JAKMIP2: variants seen among roughly 807,000 people sequenced by gnomAD.
The protein encoded by JAKMIP2 is janus kinase and microtubule interacting protein 2.
In JAKMIP2, 25 loss-of-function variants were observed where a neutral mutation model predicts 115.0. The ratio of observed to expected loss-of-function variants is 0.22; its 90% CI spans 0.16 to 0.30. The LOEUF (loss-of-function observed/expected upper bound fraction) is 0.30. JAKMIP2 is among the 10% of genes least tolerant of loss of function. JAKMIP2 has a pLI of 1.00. For synonymous variants in JAKMIP2, 334 were observed against 343.6 expected (o/e 0.97, Z 0.31); for missense variants, 642 against 957.6 (o/e 0.67, Z 4.35).
At chr5:147,631,021 T>C (rs1041154201) in intron 14 of JAKMIP2, among the ~76,000 whole-genome samples, 1 of 152,190 alleles carries the variant, frequency 6.6e-6, no homozygotes, top group Non-Finnish European at 1.5e-5. Flanking sequence ...TCCATAATTA[T>C]GAATTCCATA....
intron 1 of JAKMIP2, among the ~76,000 whole-genome samples, chr5:147,698,265 C>G (rs1471402124): frequency 6.6e-6 from 1 of 152,194 alleles, no homozygotes; most frequent in Non-Finnish European, 1.5e-5. Flanking sequence ...TACCCAATGC[C>G]TGCACCCCAT....
At chr5:147,768,243 T>C (rs1278841061) in intron 1 of JAKMIP2, among the ~76,000 whole-genome samples, 2 of 152,154 alleles carry the variant, frequency 1.3e-5, no homozygotes, top group Non-Finnish European at 2.9e-5. Context: ...CTCAGCAAAA[T>C]TTTAGTGCCT....
At chr5:147,700,462 T>C (rs1580801912) in intron 1 of JAKMIP2, among the ~76,000 whole-genome samples, 1 of 152,076 alleles carries the variant, frequency 6.6e-6, no homozygotes, top group Admixed American at 6.6e-5. Context: ...ACGGTTAAGA[T>C]AAATGGAAAT....
chr5:147,697,973 C>T (rs1386460592), intron 1 of JAKMIP2, among the ~76,000 whole-genome samples: 3 of 152,202 alleles, frequency 2.0e-5, no homozygotes, highest in African/African-American at 7.2e-5. Context: ...ATGGTAGAGC[C>T]ACCAACAGCT....
Position 147,671,868 on chromosome 5 carries a change from A to G in JAKMIP2, c.-62T>C. On this transcript the variant is annotated 5_prime_UTR_variant, in exon 2 of 22. Coordinates refer to ENST00000616793, the MANE Select transcript of JAKMIP2 (RefSeq NM_001270941.2). ...TCTTTCAAGCAGGTGCTGCCATGTT[A>G]CTGTTTCTTATCCTGGAGTACGATG... The G allele has an allele frequency of 7.6e-6, 11 of 1,450,484 alleles. No individual in the cohort carries two copies. Among genetic ancestry groups the G allele is most frequent in the Non-Finnish European group, 1.0e-5 (11 of 1,090,046 alleles). 89.9% of individuals were successfully genotyped at this position (1,450,484 alleles called of 1,614,324 possible).
At chr5:147,700,650 TA>T (rs1278163023) in intron 1 of JAKMIP2, among the ~76,000 whole-genome samples, 1 of 152,142 alleles carries the variant, frequency 6.6e-6, no homozygotes, top group African/African-American at 2.4e-5. Flanking sequence ...TTGTCACTAC[TA>T]AAAGCTTTGA....
chr5:147,692,446 A>G (rs1247759886), intron 1 of JAKMIP2, among the ~76,000 whole-genome samples: 1 of 152,124 alleles, frequency 6.6e-6, no homozygotes, highest in Non-Finnish European at 1.5e-5. Context: ...ATAAATACAG[A>G]TCTTCCTGAG....
At chr5:147,723,071 T>G (rs1753381518) in intron 1 of JAKMIP2, among the ~76,000 whole-genome samples, 1 of 152,150 alleles carries the variant, frequency 6.6e-6, no homozygotes, top group Non-Finnish European at 1.5e-5. Context: ...AAGGAAATAG[T>G]GGAAAATTTA....
At chr5:147,702,898 G>C (rs1332663856) in intron 1 of JAKMIP2, among the ~76,000 whole-genome samples, 1 of 152,028 alleles carries the variant, frequency 6.6e-6, no homozygotes, top group Admixed American at 6.6e-5. Context: ...AAATATACTT[G>C]GGAAACTCTG....
intron 1 of JAKMIP2, among the ~76,000 whole-genome samples, chr5:147,683,950 G>A (rs1760442403): frequency 6.6e-6 from 1 of 152,122 alleles, no homozygotes; most frequent in South Asian, 2.1e-4. Context: ...CTGGCTATTA[G>A]TATTTTCCCT....
At chr5:147,600,092 T>C (rs200675141) in intron 21 of JAKMIP2, among the ~76,000 whole-genome samples, 14 of 101,878 alleles carry the variant, frequency 1.4e-4, no homozygotes, top group African/African-American at 5.0e-4. Context: ...TTACTGTTTT[T>C]TTTTTTTTTT....
At chr5:147,713,093 C>T (rs772535143) in intron 1 of JAKMIP2, among the ~76,000 whole-genome samples, 1 of 152,116 alleles carries the variant, frequency 6.6e-6, no homozygotes, top group African/African-American at 2.4e-5. Context: ...GTGTAAAATT[C>T]ATTAGATACA....
intron 13 of JAKMIP2, 44 bp from the exon 14 acceptor site, chr5:147,631,555 GATTA>G: frequency 7.9e-7 from 1 of 1,268,560 alleles, no homozygotes; most frequent in Non-Finnish European, 1.1e-6. Flanking sequence ...AAACAAAACT[GATTA>G]ATTAAACACT....
At chr5:147,738,735 C>A (rs1281675737) in intron 1 of JAKMIP2, among the ~76,000 whole-genome samples, 1 of 152,132 alleles carries the variant, frequency 6.6e-6, no homozygotes, top group East Asian at 1.9e-4. Context: ...GAAGTTTAGT[C>A]AAACTTTTGG....
chr5:147,601,269 C>A (rs922643969), intron 21 of JAKMIP2, among the ~76,000 whole-genome samples: 6 of 152,026 alleles, frequency 3.9e-5, no homozygotes, highest in African/African-American at 1.2e-4. Flanking sequence ...TTATGCTAAC[C>A]AAAGCAAGTG....
At chr5:147,714,472 G>T (rs1406097172) in intron 1 of JAKMIP2, among the ~76,000 whole-genome samples, 1 of 152,064 alleles carries the variant, frequency 6.6e-6, no homozygotes, top group Non-Finnish European at 1.5e-5. Flanking sequence ...AAAGTAAAAG[G>T]CATAGAAAAC....
chr5:147,626,786 C>G (rs1757116598), intron 16 of JAKMIP2, among the ~76,000 whole-genome samples: 1 of 152,184 alleles, frequency 6.6e-6, no homozygotes, highest in African/African-American at 2.4e-5. Flanking sequence ...TCTTTCACCT[C>G]CTCAATCCTC....
intron 1 of JAKMIP2, among the ~76,000 whole-genome samples, chr5:147,724,029 T>A (rs1222740072): frequency 6.6e-6 from 1 of 152,200 alleles, no homozygotes; most frequent in Non-Finnish European, 1.5e-5. Flanking sequence ...AAAGAGTAAT[T>A]CACTTAACCA....
intron 19 of JAKMIP2, among the ~76,000 whole-genome samples, chr5:147,613,833 T>C (rs2126633219): frequency 6.6e-6 from 1 of 152,314 alleles, no homozygotes; most frequent in South Asian, 2.1e-4. Flanking sequence ...AGAGATGGTG[T>C]GTTTTGGTCA....
Sources: gnomAD v4.1 joint callset for allele counts (sites outside exome capture counted in the v4.1 genomes callset) on GRCh38, gnomAD v4.1.1 for gene constraint, MANE v1.5 for transcripts, NCBI Gene and HGNC (gene_info 2026-07-23, HGNC 2026-07-21) for gene names.